Variants in CPNE8 observed in about 807,000 individuals in gnomAD.
CPNE8 encodes copine 8.
A neutral mutation model predicts 81.5 loss-of-function variants in CPNE8; 45 were observed. The observed-to-expected ratio is 0.55, with a 90% CI of 0.44 to 0.71. The LOEUF is 0.71. Among genes scored for constraint, CPNE8 ranks in the 30% least tolerant of loss-of-function variants. The pLI is 0.00. For missense variants in CPNE8, 594 were observed against 672.1 expected (o/e 0.88, Z 1.28); for synonymous variants, 252 against 226.3 (o/e 1.11, Z -1.02).
chr12:38,789,019 C>T (rs7301104), intron 6 of CPNE8, among the ~76,000 whole-genome samples: 43,714 of 151,740 alleles, frequency 0.29, 8,180 homozygotes, highest in Non-Finnish European at 0.41. Context: ...TTAAAATGTG[C>T]ATCCTACCCT....
intron 6 of CPNE8, among the ~76,000 whole-genome samples, chr12:38,825,760 GA>G (rs1729061629): frequency 6.6e-6 from 1 of 152,162 alleles, no homozygotes; most frequent in African/African-American, 2.4e-5. Flanking sequence ...TATGTAAGAC[GA>G]AGGGTGACTA....
upstream of CPNE8, chr12:38,906,675 G>T: frequency 2.2e-6 from 2 of 894,258 alleles, no homozygotes; most frequent in Non-Finnish European, 2.7e-6. Flanking sequence ...AGACGGAGTC[G>T]TGGCAAAAGC....
intron 17 of CPNE8, 102 bp downstream of exon 17, chr12:38,677,350 T>G (rs1939312101): frequency 7.4e-6 from 5 of 679,568 alleles, no homozygotes; most frequent in Non-Finnish European, 8.0e-6. Flanking sequence ...TGCAAAGGTG[T>G]GGTGATTTTA....
At chr12:38,668,075 A>C (rs1939098578) in intron 19 of CPNE8, among the ~76,000 whole-genome samples, 1 of 152,234 alleles carries the variant, frequency 6.6e-6, no homozygotes, top group Non-Finnish European at 1.5e-5. Context: ...CTGGGATTAC[A>C]GGCATGAGCC....
At chr12:38,856,726 G>A (rs947951496) in intron 3 of CPNE8, among the ~76,000 whole-genome samples, 1 of 152,022 alleles carries the variant, frequency 6.6e-6, no homozygotes. Flanking sequence ...ACATTGTTCT[G>A]TACTTCATGT....
chr12:38,684,833 A>G (rs1939496623), intron 16 of CPNE8, among the ~76,000 whole-genome samples: 1 of 152,176 alleles, frequency 6.6e-6, no homozygotes, highest in Non-Finnish European at 1.5e-5. Context: ...CATAGGCCAA[A>G]CTTTCTAGGG....
chr12:38,707,307 C>G (rs1425947595), intron 13 of CPNE8, among the ~76,000 whole-genome samples: 1 of 152,038 alleles, frequency 6.6e-6, no homozygotes, highest in Non-Finnish European at 1.5e-5. Flanking sequence ...GAGTGAGACT[C>G]TGTCTGTTAA....
intron 19 of CPNE8, among the ~76,000 whole-genome samples, chr12:38,660,283 CAG>C (rs1938924054): frequency 6.6e-6 from 1 of 152,138 alleles, no homozygotes. Context: ...ACCAATGGAA[CAG>C]AACAGAGGCC....
chr12:38,783,726 C>A (rs1174525740), intron 6 of CPNE8, among the ~76,000 whole-genome samples: 1 of 152,176 alleles, frequency 6.6e-6, no homozygotes, highest in Non-Finnish European at 1.5e-5. Context: ...AGAGTCTCTG[C>A]CAGGTAATCC....
intron 13 of CPNE8, among the ~76,000 whole-genome samples, chr12:38,710,683 C>T (rs996740126): frequency 6.6e-6 from 1 of 152,126 alleles, no homozygotes; most frequent in Non-Finnish European, 1.5e-5. Flanking sequence ...TTTATATTAA[C>T]ATAAATTTAT....
intron 8 of CPNE8, 118 bp downstream of exon 8, chr12:38,767,517 T>G: frequency 1.7e-6 from 1 of 597,068 alleles, no homozygotes; most frequent in African/African-American, 2.0e-5. Context: ...ATATCAATTT[T>G]TAAAATCTCA....
rs541152317 is a variant in CPNE8 at position 38,656,108 on chromosome 12, A to C, written c.1507-2038T>G. Among the ~76,000 whole-genome samples, 258 of 151,926 alleles carry C rather than the reference A, an allele frequency of 1.7e-3. 1 individual carries two copies. Among genetic ancestry groups the C allele is most frequent in the African/African-American group, 6.0e-3 (247 of 41,500 alleles). Reference sequence around the variant, plus strand: ...CAGAAAAAAATCAAAGAGGTAAAAAAAAAACAAAAAACAAAAAAAACAAAT... The same window carrying C: ...CAGAAAAAAATCAAAGAGGTAAAAACAAAACAAAAAACAAAAAAAACAAAT... On this transcript the variant is annotated intron_variant, in intron 19 of 19. Transcript: ENST00000331366.
At chr12:38,706,433 G>A (rs560002623) in intron 13 of CPNE8, among the ~76,000 whole-genome samples, 16 of 152,034 alleles carry the variant, frequency 1.1e-4, no homozygotes, top group Admixed American at 1.0e-3. Context: ...CATGAGAAAT[G>A]GGATTCTTCT....
intron 16 of CPNE8, among the ~76,000 whole-genome samples, chr12:38,682,653 T>C (rs1939436381): frequency 6.6e-6 from 1 of 152,206 alleles, no homozygotes; most frequent in African/African-American, 2.4e-5. Flanking sequence ...TGTATATATG[T>C]GCATGTATAT....
intron 13 of CPNE8, among the ~76,000 whole-genome samples, chr12:38,711,871 A>T (rs1338209489): frequency 6.6e-6 from 1 of 152,050 alleles, no homozygotes; most frequent in African/African-American, 2.4e-5. Context: ...TTCTAAACAA[A>T]CTTTTCAGTT....
chr12:38,685,410 G>T, intron 16 of CPNE8, 80 bp downstream of exon 16: 1 of 1,443,906 alleles, frequency 6.9e-7, no homozygotes, highest in Non-Finnish European at 9.4e-7. Flanking sequence ...TTTCATGTGT[G>T]GAGTCATGCT....
chr12:38,758,483 G>A (rs1324364746), intron 10 of CPNE8, among the ~76,000 whole-genome samples: 1 of 152,058 alleles, frequency 6.6e-6, no homozygotes, highest in Non-Finnish European at 1.5e-5. Context: ...CTTAATGCCA[G>A]GAATTACGAT....
chr12:38,820,092 C>CA (rs1486302478), intron 6 of CPNE8, among the ~76,000 whole-genome samples: 1 of 151,990 alleles, frequency 6.6e-6, no homozygotes, highest in Non-Finnish European at 1.5e-5. Context: ...ACTTCCTATA[C>CA]AAAAAGCAAC....
At chr12:38,780,962 G>C (rs1383115200) in intron 6 of CPNE8, among the ~76,000 whole-genome samples, 1 of 151,876 alleles carries the variant, frequency 6.6e-6, no homozygotes, top group Non-Finnish European at 1.5e-5. Context: ...TTAAATCAGT[G>C]ACACTAATGT....
Sources: allele counts gnomAD v4.1 joint callset (sites outside exome capture counted in the v4.1 genomes callset), GRCh38; gene constraint gnomAD v4.1.1; transcripts MANE v1.5; gene names NCBI Gene and HGNC (gene_info 2026-07-23, HGNC 2026-07-21).